The following GUCY1A2 variants were observed in gnomAD, a reference collection of about 807,000 sequenced individuals.
The protein encoded by GUCY1A2 is guanylate cyclase soluble subunit alpha-2.
A neutral mutation model predicts 63.5 loss-of-function variants in GUCY1A2; 27 were observed. The ratio of observed to expected loss-of-function variants is 0.43; its 90% CI spans 0.31 to 0.59. The LOEUF is 0.59. Ranked by LOEUF, GUCY1A2 falls within the 20% of genes least tolerant of loss-of-function variation. The pLI is 0.11. For synonymous variants in GUCY1A2, 364 were observed against 343.5 expected (o/e 1.06, Z -0.66); for missense variants, 768 against 913.3 (o/e 0.84, Z 2.05).
At chr11:106,844,992 C>G (rs1431565435) in intron 4 of GUCY1A2, among the ~76,000 whole-genome samples, 4 of 151,650 alleles carry the variant, frequency 2.6e-5, no homozygotes, top group Admixed American at 6.6e-5. Flanking sequence ...TCCTTGCCAT[C>G]AGTAGGTTAA....
chr11:106,779,516 A>C (rs1473480122), intron 5 of GUCY1A2, among the ~76,000 whole-genome samples: 1 of 152,236 alleles, frequency 6.6e-6, no homozygotes, highest in Non-Finnish European at 1.5e-5. Flanking sequence ...GTCAGATATC[A>C]GAACATATAG....
intron 4 of GUCY1A2, among the ~76,000 whole-genome samples, chr11:106,888,456 T>C (rs529646732): frequency 7.2e-5 from 11 of 151,828 alleles, no homozygotes; most frequent in East Asian, 3.9e-4. Flanking sequence ...CAAAGCAAGA[T>C]GCCATCTCAA....
intron 6 of GUCY1A2, chr11:106,746,635 C>T (rs1018176581): frequency 6.3e-7 from 1 of 1,590,362 alleles, no homozygotes; most frequent in Non-Finnish European, 8.5e-7. Context: ...GGAGTTCACT[C>T]CTCTGGGGCT....
intron 5 of GUCY1A2, among the ~76,000 whole-genome samples, chr11:106,807,427 A>G (rs1858704782): frequency 6.6e-6 from 1 of 152,134 alleles, no homozygotes; most frequent in Non-Finnish European, 1.5e-5. Context: ...TTTATCCTAT[A>G]CAGGACTAAT....
intron 6 of GUCY1A2, among the ~76,000 whole-genome samples, chr11:106,746,938 T>G (rs1228486649): frequency 2.6e-5 from 4 of 152,196 alleles, no homozygotes; most frequent in Non-Finnish European, 2.9e-5. Flanking sequence ...TTTTCCATAC[T>G]GAGTTGTGCA....
chr11:106,787,088 T>G (rs934570071), intron 5 of GUCY1A2, among the ~76,000 whole-genome samples: 2 of 151,892 alleles, frequency 1.3e-5, no homozygotes, highest in Non-Finnish European at 2.9e-5. Flanking sequence ...ATTTTTTTAG[T>G]ATTTTTTGTG....
intron 5 of GUCY1A2, among the ~76,000 whole-genome samples, chr11:106,791,239 T>C (rs1323570065): frequency 6.6e-6 from 1 of 152,220 alleles, no homozygotes; most frequent in Non-Finnish European, 1.5e-5. Flanking sequence ...CTGGTTTTGC[T>C]TTCTGCTATG....
chr11:106,981,477 CA>C (rs61474144), intron 2 of GUCY1A2, among the ~76,000 whole-genome samples: 39,696 of 130,538 alleles, frequency 0.3, 5,236 homozygotes, highest in African/African-American at 0.37. Flanking sequence ...CTTATTCTGG[CA>C]AAAAAAAAAA....
At chr11:106,808,251 AATT>A (rs1464395526) in intron 5 of GUCY1A2, among the ~76,000 whole-genome samples, 1 of 152,002 alleles carries the variant, frequency 6.6e-6, no homozygotes, top group African/African-American at 2.4e-5. Context: ...TGTGAACTAG[AATT>A]ATTATATGTG....
chr11:107,004,851 C>G (rs1037894052), intron 1 of GUCY1A2, among the ~76,000 whole-genome samples: 1 of 152,188 alleles, frequency 6.6e-6, no homozygotes, highest in South Asian at 2.1e-4. Context: ...CATGAGGAAC[C>G]GAACAATAGT....
chr11:106,850,473 A>C (rs971768546), intron 4 of GUCY1A2, among the ~76,000 whole-genome samples: 1 of 151,714 alleles, frequency 6.6e-6, no homozygotes, highest in African/African-American at 2.4e-5. Flanking sequence ...TAATTTTTGT[A>C]TCTGTTAACT....
intron 4 of GUCY1A2, among the ~76,000 whole-genome samples, chr11:106,897,500 A>T (rs945542131): frequency 6.6e-6 from 1 of 152,082 alleles, no homozygotes; most frequent in African/African-American, 2.4e-5. Context: ...AAGAATAGAC[A>T]AATTGATCAA....
At chr11:106,806,329 T>C (rs375582831) in intron 5 of GUCY1A2, among the ~76,000 whole-genome samples, 4 of 152,160 alleles carry the variant, frequency 2.6e-5, no homozygotes, top group African/African-American at 9.7e-5. Context: ...GTTAAAGTGC[T>C]TAAAGGTGAA....
Position 106,676,750 on chromosome 11 carries a change from ATT to A in GUCY1A2, c.*10797_*10798del. The A allele has an allele frequency of 5.3e-6, 1 of 188,252 alleles. No homozygotes were observed. The allele number at this position is 188,252 out of a possible 1,614,324, so 11.7% of individuals were successfully genotyped here. Reference sequence around the variant, plus strand: ...CAATTTCCCTACAAACAGAAAAAGCATTTTTTTTTTCTATTTCAGTCTTTAGC... The same window carrying A: ...CAATTTCCCTACAAACAGAAAAAGCATTTTTTTTCTATTTCAGTCTTTAGC... On this transcript the variant is annotated 3_prime_UTR_variant, in exon 8 of 8. Transcript: ENST00000526355.
chr11:106,719,709 T>A (rs1015932303), intron 6 of GUCY1A2, among the ~76,000 whole-genome samples: 15 of 152,218 alleles, frequency 9.9e-5, no homozygotes, highest in Non-Finnish European at 1.9e-4. Flanking sequence ...TTAAAATTGC[T>A]GTTTTGAATT....
chr11:106,709,423 A>C (rs1474696179), intron 6 of GUCY1A2, among the ~76,000 whole-genome samples: 5 of 89,410 alleles, frequency 5.6e-5, no homozygotes, highest in Non-Finnish European at 9.7e-5. Context: ...TGTATATATT[A>C]TATATAAGTA....
chr11:106,827,665 G>T, intron 4 of GUCY1A2: 1 of 1,544,304 alleles, frequency 6.5e-7, no homozygotes, highest in Non-Finnish European at 9.0e-7. Context: ...TTGGGAAAGC[G>T]TTTTTCTAAC....
intron 1 of GUCY1A2, among the ~76,000 whole-genome samples, chr11:106,997,642 C>T (rs1329348511): frequency 7.8e-5 from 10 of 128,056 alleles, no homozygotes. Context: ...CCGAGCAAGA[C>T]TATATATTAA....
intron 7 of GUCY1A2, among the ~76,000 whole-genome samples, chr11:106,688,077 GCC>G: frequency 6.6e-6 from 1 of 152,104 alleles, no homozygotes. Flanking sequence ...CTAAACAAAT[GCC>G]CAAGGAAACT....
Sources: allele counts gnomAD v4.1 joint callset (sites outside exome capture counted in the v4.1 genomes callset), GRCh38; gene constraint gnomAD v4.1.1; transcripts MANE v1.5; gene names NCBI Gene and HGNC (gene_info 2026-07-23, HGNC 2026-07-21).